Variants in OR10A2 observed in about 807,000 individuals in gnomAD.
The protein encoded by OR10A2 is olfactory receptor family 10 subfamily A member 2.
OR10A2 carries 15 observed loss-of-function variants against 13.7 expected under a neutral mutation model. The ratio of observed to expected loss-of-function variants is 1.10; its 90% CI spans 0.73 to 1.69. The LOEUF is 1.69. OR10A2 is among the 40% of genes most tolerant of loss of function. The probability of loss-of-function intolerance (pLI) is 0.00; values close to 1 mark genes in which losing one functional copy is unlikely to be tolerated. For missense variants in OR10A2, 343 were observed against 361.1 expected (o/e 0.95, Z 0.41); for synonymous variants, 145 against 144.7 (o/e 1.00, Z -0.02).
chr11:6,874,426 A>G lies in OR10A2; in HGVS notation c.*3760A>G, dbSNP rs1396784311. The G allele has an allele frequency of 1.3e-5, 2 of 152,220 alleles. No homozygotes were observed. The highest frequency in any genetic ancestry group is 2.4e-5 in the African/African-American group (1 of 41,456). The allele number at this position is 152,220 out of a possible 1,614,324, so 9.4% of individuals were successfully genotyped here. A position where few individuals can be genotyped will look rare whatever the true frequency, so the allele number is the denominator to read the frequency against. On this transcript the variant is annotated 3_prime_UTR_variant, in exon 2 of 2. Transcript: ENST00000641461. Reference sequence around the variant, plus strand: ...ATTCCAGTTCTCCAATGTTACTAATATATTGAAATTTTCTGCCCATCTTTA... The same window carrying G: ...ATTCCAGTTCTCCAATGTTACTAATGTATTGAAATTTTCTGCCCATCTTTA...
intron 1 of OR10A2, among the ~76,000 whole-genome samples, chr11:6,864,704 G>A (rs568044442): frequency 6.6e-6 from 1 of 152,056 alleles, no homozygotes; most frequent in South Asian, 2.1e-4. Context: ...AAAGGCAGAG[G>A]CAAGCAAAAA....
Position 6,871,471 on chromosome 11 carries a change from A to G in OR10A2, c.*805A>G, listed in dbSNP as rs1006567833. 6.6e-6 allele frequency: 1 copy of G among 152,204 alleles called. No homozygotes were observed. The highest frequency in any genetic ancestry group is 2.4e-5 in the African/African-American group (1 of 41,448). The allele number at this position is 152,204 out of a possible 1,614,324, so 9.4% of individuals were successfully genotyped here. A position where few individuals can be genotyped will look rare whatever the true frequency, so the allele number is the denominator to read the frequency against. On this transcript the variant is annotated 3_prime_UTR_variant, in exon 2 of 2. Transcript: ENST00000641461. ...TTACTTCATTCTCATGCCCTTAAGC[A>G]GTGTTAGTTCTTTTAAGCTTACTGG... is the stretch of plus-strand genomic sequence containing the variant.
In OR10A2 at chr11:6,863,256, C is replaced by T. The variant is rs560966597; in HGVS notation, c.-228C>T. ...GGTTCTTCTTTTGGCTTTGCTGAAA[C>T]AGAAATAGAGCTGTTATATTACATG... On this transcript the variant is annotated 5_prime_UTR_variant, in exon 1 of 2. Transcript: ENST00000641461. 9 of 150,486 alleles carry T rather than the reference C, an allele frequency of 6.0e-5. No individual in the cohort carries two copies. The highest frequency in any genetic ancestry group is 1.0e-4 in the Non-Finnish European group (7 of 67,720). The allele number at this position is 150,486 out of a possible 1,614,324, so 9.3% of individuals were successfully genotyped here.
rs1848423915 is a variant in OR10A2, at chr11:6,870,630, C to A, written c.876C>A (p.Val292=). The change falls in exon 2 of 2, where the codon GTC becomes GTA. Residue 292 remains valine (V), a synonymous_variant. Transcript: ENST00000641461. ...NEVKNALSRT[V]SKALALRNCI... ...TGAAGAATGCCCTCAGCAGGACGGT[C>A]TCTAAGGCCCTAGCCCTCAGAAACT... is the stretch of plus-strand genomic sequence containing the variant. The A allele has an allele frequency of 6.2e-7, 1 of 1,604,850 alleles. No individual in the cohort carries two copies. Among genetic ancestry groups the A allele is most frequent in the Non-Finnish European group, 8.5e-7 (1 of 1,175,742 alleles).
chr11:6,869,731 A>G lies in OR10A2; in HGVS notation c.-24A>G. On this transcript the variant is annotated 5_prime_UTR_variant, in exon 2 of 2. Coordinates refer to ENST00000641461, the MANE Select transcript of OR10A2 (RefSeq NM_001004460.2). ...CACACTTATAGCTACAGGAAACTGG[A>G]CAAGAATAAGTGAGTTTATCCTCAT... The G allele has an allele frequency of 1.9e-6, 3 of 1,599,166 alleles. No homozygotes were observed. The highest frequency in any genetic ancestry group is 2.6e-6 in the Non-Finnish European group (3 of 1,167,844).
In OR10A2 at chr11:6,869,700, T is replaced by G. The variant is rs1848408727; in HGVS notation, c.-55T>G. The G allele has an allele frequency of 6.9e-7, 1 of 1,449,494 alleles. No homozygotes were observed. The highest frequency in any genetic ancestry group is 1.4e-5 in the African/African-American group (1 of 71,740). The allele number at this position is 1,449,494 out of a possible 1,614,324, so 89.8% of individuals were successfully genotyped here. On this transcript the variant is annotated 5_prime_UTR_variant, in exon 2 of 2. Transcript: ENST00000641461. ...TTCTCCATGACCACAGTTGGGGACTTCTGCCCACACTTATAGCTACAGGAA... is the reference window on the plus strand; with the variant it reads ...TTCTCCATGACCACAGTTGGGGACTGCTGCCCACACTTATAGCTACAGGAA...
In OR10A2 at chr11:6,870,947, C is replaced by CTTTTTTTTTTT. The variant is rs35120311; in HGVS notation, c.*288_*298dup. The CTTTTTTTTTTT allele has an allele frequency of 4.5e-4, 62 of 138,554 alleles. 2 individuals carry two copies. Among genetic ancestry groups the CTTTTTTTTTTT allele is most frequent in the Non-Finnish European group, 7.5e-4 (52 of 69,466 alleles). 8.6% of individuals were successfully genotyped at this position (138,554 alleles called of 1,614,324 possible). ...CCAACTATTTCCAGGTGTTATATTT[C>CTTTTTTTTTTT]TTTTTTTTTTTTTTTTTGAGACGGA... On this transcript the variant is annotated 3_prime_UTR_variant, in exon 2 of 2. Transcript: ENST00000641461.
intron 1 of OR10A2, among the ~76,000 whole-genome samples, chr11:6,869,270 G>A (rs1456946428): frequency 6.6e-6 from 1 of 152,164 alleles, no homozygotes; most frequent in East Asian, 1.9e-4. Flanking sequence ...CATATTATAT[G>A]CATTCTTCAT....
chr11:6,870,522 G>C lies in OR10A2; in HGVS notation c.768G>C (p.Glu256Asp). Residue 256 changes from glutamate (E) to aspartate (D), a missense_variant, in exon 2 of 2, where the codon GAG becomes GAC. By Grantham distance (45) the Glu-to-Asp change is conservative. Coordinates refer to ENST00000641461, the MANE Select transcript of OR10A2 (RefSeq NM_001004460.2). Reference sequence around the variant, plus strand: ...GGCCTAAATCAAATAATTCACCTGAGGGCAAGAAGCTGCTATCATTGTCCT... The same window carrying C: ...GGCCTAAATCAAATAATTCACCTGACGGCAAGAAGCTGCTATCATTGTCCT... The part of the protein sequence containing the change: ...YFRPKSNNSP[E>D]GKKLLSLSYT... The C allele has an allele frequency of 6.2e-7, 1 of 1,614,076 alleles. No individual in the cohort carries two copies. The highest frequency in any genetic ancestry group is 8.5e-7 in the Non-Finnish European group (1 of 1,179,976).
In OR10A2 at chr11:6,873,065, G is replaced by C. The variant is rs1361686750; in HGVS notation, c.*2399G>C. 6.6e-6 allele frequency: 1 copy of C among 151,892 alleles called. No individual in the cohort carries two copies. Among genetic ancestry groups the C allele is most frequent in the Non-Finnish European group, 1.5e-5 (1 of 68,022 alleles). 9.4% of individuals were successfully genotyped at this position (151,892 alleles called of 1,614,324 possible). A position where few individuals can be genotyped will look rare whatever the true frequency, so the allele number is the denominator to read the frequency against. The stretch of plus-strand genomic sequence containing the variant: ...GGCCTCAAGTGATCTGCCTGCCTCA[G>C]CCTCCCAAGGGCTGGGATTACAGAC... On this transcript the variant is annotated 3_prime_UTR_variant, in exon 2 of 2. Transcript: ENST00000641461.
At chr11:6,864,214 G>A (rs1288947042) in intron 1 of OR10A2, among the ~76,000 whole-genome samples, 1 of 151,952 alleles carries the variant, frequency 6.6e-6, no homozygotes, top group Non-Finnish European at 1.5e-5. Context: ...ATCCCAGCAA[G>A]TGTTTCTGCC....
chr11:6,868,714 CT>C (rs1430572180), intron 1 of OR10A2, among the ~76,000 whole-genome samples: 1 of 151,900 alleles, frequency 6.6e-6, no homozygotes, highest in East Asian at 1.9e-4. Context: ...ACATTCATTT[CT>C]TTTTTTATTT....
Position 6,871,453 on chromosome 11 carries a change from A to G in OR10A2, c.*787A>G, listed in dbSNP as rs1478758002. On this transcript the variant is annotated 3_prime_UTR_variant, in exon 2 of 2. Transcript: ENST00000641461. ...ATAACTCTCCTCACCATCTTACTTCATTCTCATGCCCTTAAGCAGTGTTAG... is the reference window on the plus strand; with the variant it reads ...ATAACTCTCCTCACCATCTTACTTCGTTCTCATGCCCTTAAGCAGTGTTAG... 1 of 152,174 alleles carries G rather than the reference A, an allele frequency of 6.6e-6. No homozygotes were observed. Among genetic ancestry groups the G allele is most frequent in the African/African-American group, 2.4e-5 (1 of 41,424 alleles). 9.4% of individuals were successfully genotyped at this position (152,174 alleles called of 1,614,324 possible). A position where few individuals can be genotyped will look rare whatever the true frequency, so the allele number is the denominator to read the frequency against.
At chr11:6,867,361 G>A (rs1848387208) in intron 1 of OR10A2, among the ~76,000 whole-genome samples, 1 of 152,040 alleles carries the variant, frequency 6.6e-6, no homozygotes, top group Admixed American at 6.6e-5. Flanking sequence ...ACAGCCATGT[G>A]CCACCACGGC....
In OR10A2 at chr11:6,870,062, C is replaced by T; in HGVS notation, c.308C>T (p.Ala103Val). The T allele has an allele frequency of 6.2e-7, 1 of 1,614,216 alleles. No individual in the cohort carries two copies. The highest frequency in any genetic ancestry group is 8.5e-7 in the Non-Finnish European group (1 of 1,180,030). ...GGAGTGGCTGAATGCTTCCTCCTGG[C>T]TACCATGGCATATGACCGCTATGTG... is the stretch of plus-strand genomic sequence containing the variant. ...FFGVAECFLL[A>V]TMAYDRYVAI... The change falls in exon 2 of 2, where the codon GCT becomes GTT. Residue 103 changes from alanine (A) to valine (V), a missense_variant. Physicochemically the swap from Ala to Val is moderately conservative, Grantham distance 64 (BLOSUM62 0). Transcript: ENST00000641461.
chr11:6,867,723 AAG>A (rs1289554457), intron 1 of OR10A2, among the ~76,000 whole-genome samples: 3 of 152,004 alleles, frequency 2.0e-5, no homozygotes, highest in Non-Finnish European at 2.9e-5. Context: ...GAATGACAGT[AAG>A]AGAGTTTCTA....
rs1382200954 is a variant in OR10A2, at chr11:6,870,182, C to G, written c.428C>G (p.Ala143Gly). ...TCCTGGTTCCCAGGCTTTCCTGTAG[C>G]TACTGTGCAGACCACATGGCTCTTC... ...AASWFPGFPV[A>G]TVQTTWLFSF... The change falls in exon 2 of 2, where the codon GCT (alanine) becomes GGT (glycine). Residue 143 changes from alanine to glycine, a missense_variant. Physicochemically the swap from Ala to Gly is moderately conservative, Grantham distance 60. Coordinates refer to ENST00000641461, the MANE Select transcript of OR10A2 (RefSeq NM_001004460.2). The G allele has an allele frequency of 1.2e-6, 2 of 1,614,144 alleles. No individual in the cohort carries two copies. Among genetic ancestry groups the G allele is most frequent in the African/African-American group, 1.3e-5 (1 of 74,944 alleles).
At position 6,874,672 on chromosome 11, in the gene OR10A2, A is replaced by T. The variant is rs1213500727; in HGVS notation, c.*4006A>T. 6.6e-6 allele frequency: 1 copy of T among 152,204 alleles called. No individual in the cohort carries two copies. Among genetic ancestry groups the T allele is most frequent in the Non-Finnish European group, 1.5e-5 (1 of 68,024 alleles). 9.4% of individuals were successfully genotyped at this position (152,204 alleles called of 1,614,324 possible). ...TCCTTGACTGTAAAATGGGTATAAT[A>T]CTATCTGTATCTTCAGGTGTTGTGA... On this transcript the variant is annotated 3_prime_UTR_variant, in exon 2 of 2. Coordinates refer to ENST00000641461, the MANE Select transcript of OR10A2 (RefSeq NM_001004460.2).
chr11:6,870,705 C>A lies in OR10A2; in HGVS notation c.*39C>A. ...AGGCTACATTTTACTGGATGAGAAA[C>A]AATCAGTCCCAGATTTGAGATTCCT... On this transcript the variant is annotated 3_prime_UTR_variant, in exon 2 of 2. Coordinates refer to ENST00000641461, the MANE Select transcript of OR10A2 (RefSeq NM_001004460.2). 1 of 1,419,290 alleles carries A rather than the reference C, an allele frequency of 7.0e-7. No homozygotes were observed. The highest frequency in any genetic ancestry group is 9.6e-7 in the Non-Finnish European group (1 of 1,045,216). 87.9% of individuals were successfully genotyped at this position (1,419,290 alleles called of 1,614,324 possible).
Sources: gnomAD v4.1 joint callset for allele counts (sites outside exome capture counted in the v4.1 genomes callset) on GRCh38, gnomAD v4.1.1 for gene constraint, MANE v1.5 for transcripts, NCBI Gene and HGNC (gene_info 2026-07-23, HGNC 2026-07-21) for gene names.